NPAS3: variants seen among roughly 807,000 people sequenced by gnomAD.
NPAS3 encodes neuronal PAS domain protein 3, also known as neuronal PAS domain-containing protein 3.
Under a neutral mutation model 73.1 loss-of-function variants are expected in NPAS3, and 14 were observed. The observed-to-expected ratio is 0.19, with a 90% CI of 0.13 to 0.30. The LOEUF (loss-of-function observed/expected upper bound fraction) is 0.30, where lower values mean the gene tolerates loss of function less well. NPAS3 is among the 10% of genes least tolerant of loss of function. NPAS3 has a pLI of 1.00. For missense variants in NPAS3, 1,096 were observed against 1,250.0 expected (o/e 0.88, Z 1.86); for synonymous variants, 620 against 541.5 (o/e 1.14, Z -2.01).
intron 4 of NPAS3, among the ~76,000 whole-genome samples, chr14:33,475,891 C>T (rs2051008212): frequency 6.6e-6 from 1 of 152,132 alleles, no homozygotes; most frequent in Non-Finnish European, 1.5e-5. Context: ...CTGCCAGCTG[C>T]CTGGCCTGGC....
At chr14:33,721,494 A>G (rs1487042253) in intron 6 of NPAS3, among the ~76,000 whole-genome samples, 1 of 152,228 alleles carries the variant, frequency 6.6e-6, no homozygotes, top group African/African-American at 2.4e-5. Flanking sequence ...CCCCAAAAAA[A>G]TCACATAAAA....
At chr14:33,353,987 C>T (rs1860510938) in intron 3 of NPAS3, among the ~76,000 whole-genome samples, 2 of 152,074 alleles carry the variant, frequency 1.3e-5, no homozygotes, top group Admixed American at 6.6e-5. Flanking sequence ...GGCACCACAC[C>T]ATGGTACATT....
chr14:33,319,158 G>A (rs1038529120), intron 3 of NPAS3, among the ~76,000 whole-genome samples: 2 of 149,882 alleles, frequency 1.3e-5, no homozygotes, highest in Non-Finnish European at 3.0e-5. Context: ...TCATAATAGA[G>A]GTCTCTGGGT....
chr14:33,264,439 G>T (rs1000516809), intron 3 of NPAS3, among the ~76,000 whole-genome samples: 2 of 151,940 alleles, frequency 1.3e-5, no homozygotes, highest in African/African-American at 2.4e-5. Flanking sequence ...AAAAGAAAAA[G>T]TAACTGATTT....
At chr14:33,483,458 G>A (rs528058213) in intron 4 of NPAS3, among the ~76,000 whole-genome samples, 39 of 152,248 alleles carry the variant, frequency 2.6e-4, no homozygotes, top group African/African-American at 8.2e-4. Context: ...CACGAAATGC[G>A]TCTGATCTCT....
intron 2 of NPAS3, among the ~76,000 whole-genome samples, chr14:33,127,878 T>C (rs1031029144): frequency 6.6e-6 from 1 of 152,040 alleles, no homozygotes; most frequent in Non-Finnish European, 1.5e-5. Flanking sequence ...ATACAAAATC[T>C]CAAAAGAATA....
chr14:33,332,988 G>A (rs985779967), intron 3 of NPAS3, among the ~76,000 whole-genome samples: 1 of 152,190 alleles, frequency 6.6e-6, no homozygotes, highest in Admixed American at 6.5e-5. Flanking sequence ...CAATTACTGA[G>A]CAAATAATAC....
chr14:33,343,550 G>A (rs533640047), intron 3 of NPAS3, among the ~76,000 whole-genome samples: 1 of 152,126 alleles, frequency 6.6e-6, no homozygotes, highest in African/African-American at 2.4e-5. Context: ...AATAATGTCG[G>A]CATTCATGAC....
chr14:33,583,882 T>C (rs1396002175), intron 5 of NPAS3, among the ~76,000 whole-genome samples: 1 of 152,216 alleles, frequency 6.6e-6, no homozygotes, highest in Non-Finnish European at 1.5e-5. Flanking sequence ...GTTGGCCTTC[T>C]TCAGAGTTTA....
chr14:32,968,043 A>G (rs369598834), intron 1 of NPAS3, among the ~76,000 whole-genome samples: 17 of 152,166 alleles, frequency 1.1e-4, no homozygotes, highest in East Asian at 7.7e-4. Context: ...TTGACCTCAT[A>G]AAAGTAGAGA....
intron 2 of NPAS3, among the ~76,000 whole-genome samples, chr14:33,137,600 C>T (rs1344313126): frequency 2.0e-5 from 3 of 152,098 alleles, no homozygotes; most frequent in East Asian, 3.8e-4. Flanking sequence ...TTTGTGTCTT[C>T]AGCTAATATC....
intron 4 of NPAS3, among the ~76,000 whole-genome samples, chr14:33,486,144 ATT>A (rs754446145): frequency 7.0e-6 from 1 of 142,798 alleles, no homozygotes. Context: ...GAAGGAATGC[ATT>A]TTTTTTTTTT....
chr14:33,690,168 G>T (rs1047870293), intron 6 of NPAS3, among the ~76,000 whole-genome samples: 1 of 152,130 alleles, frequency 6.6e-6, no homozygotes, highest in Admixed American at 6.5e-5. Context: ...ATCAGCTTTC[G>T]TGCGGCGTTC....
intron 6 of NPAS3, among the ~76,000 whole-genome samples, chr14:33,723,546 C>T (rs2061174971): frequency 6.6e-6 from 1 of 151,972 alleles, no homozygotes; most frequent in Non-Finnish European, 1.5e-5. Context: ...TCACTGAGAC[C>T]TTTCTTTCTT....
rs77007925 is a variant in NPAS3 at position 33,463,315 on chromosome 14, A to G, written c.468+96047A>G. Among the ~76,000 whole-genome samples, 659 of 152,264 alleles carry G rather than the reference A, an allele frequency of 4.3e-3. 2 individuals are homozygous for G. The highest frequency in any genetic ancestry group is 0.015 in the African/African-American group (621 of 41,544). On this transcript the variant is annotated intron_variant, in intron 4 of 11. Coordinates refer to ENST00000356141, the Ensembl canonical transcript of NPAS3. ...ACTTCTTTGGGAAAAGAGATTATAT[A>G]TTTGTATCACCTCAAATCTTGCAAA...
At chr14:33,384,549 G>C (rs912365339) in intron 4 of NPAS3, among the ~76,000 whole-genome samples, 16 of 152,056 alleles carry the variant, frequency 1.1e-4, no homozygotes, top group African/African-American at 3.9e-4. Flanking sequence ...GGCCAACATG[G>C]TGAAACCCCA....
intron 3 of NPAS3, among the ~76,000 whole-genome samples, chr14:33,246,166 G>A (rs2048366666): frequency 1.3e-5 from 2 of 152,018 alleles, no homozygotes; most frequent in Admixed American, 1.3e-4. Flanking sequence ...GACTGTTAGC[G>A]CCCACCTCAT....
intron 2 of NPAS3, among the ~76,000 whole-genome samples, chr14:33,097,716 A>G (rs541020277): frequency 6.6e-6 from 1 of 152,316 alleles, no homozygotes; most frequent in East Asian, 1.9e-4. Flanking sequence ...GTGGATGTGT[A>G]TTGCAATATG....
rs374327824 is a variant in NPAS3, at chr14:33,308,510, T to TTTTATATATATATATATATATATATATA, written c.386-58675_386-58674insTTATATATATATATATATATATATATAT. Among the ~76,000 whole-genome samples, 8 of 83,530 alleles carry TTTTATATATATATATATATATATATATA rather than the reference T, an allele frequency of 9.6e-5. No homozygotes were observed. In the East Asian group the frequency reaches 1.4e-3, roughly 14 times the overall value. The allele number at this position is 83,530 out of a possible 152,430, so 54.8% of individuals were successfully genotyped here. ...TTTTCTAAAGGGACTATTGCATAGT[T>TTTTATATATATATATATATATATATATA]TATATATATATATATATACATACAC... On this transcript the variant is annotated intron_variant, in intron 3 of 11. Coordinates refer to ENST00000356141, the Ensembl canonical transcript of NPAS3.
Sources: gnomAD v4.1 joint callset for allele counts (sites outside exome capture counted in the v4.1 genomes callset) on GRCh38, gnomAD v4.1.1 for gene constraint, MANE v1.5 for transcripts, NCBI Gene and HGNC (gene_info 2026-07-23, HGNC 2026-07-21) for gene names.